TGFB1: variants seen among roughly 807,000 people sequenced by gnomAD.
TGFB1 encodes the protein transforming growth factor beta 1, also known as transforming growth factor beta-1 proprotein.
A neutral mutation model predicts 43.8 loss-of-function variants in TGFB1; 19 were observed. That is an observed-to-expected ratio of 0.43 (90% CI 0.30 to 0.64). The LOEUF is 0.64. Ranked by LOEUF, TGFB1 falls within the 30% of genes least tolerant of loss-of-function variation. The pLI, the probability that TGFB1 is intolerant of heterozygous loss-of-function variation, is 0.11. For missense variants in TGFB1, 445 were observed against 529.8 expected, an observed-to-expected ratio of 0.84 and a Z score of 1.57; for synonymous variants, 221 against 236.3, an observed-to-expected ratio of 0.94 and a Z score of 0.60.
intron 5 of TGFB1, among the ~76,000 whole-genome samples, chr19:41,340,087 A>G (rs1462761432): frequency 6.6e-6 from 1 of 152,080 alleles, no homozygotes; most frequent in African/African-American, 2.4e-5. Flanking sequence ...GCATTCCAGC[A>G]TCTTATGATT....
chr19:41,342,503 C>A (rs1213464529), intron 3 of TGFB1, among the ~76,000 whole-genome samples: 1 of 140,424 alleles, frequency 7.1e-6, no homozygotes, highest in African/African-American at 2.8e-5. Context: ...GCGCGTGCTA[C>A]CACGCATGGC....
intron 5 of TGFB1, among the ~76,000 whole-genome samples, chr19:41,341,333 G>A (rs1008257589): frequency 6.6e-6 from 1 of 151,816 alleles, no homozygotes; most frequent in African/African-American, 2.4e-5. Context: ...TGGGCGTGGT[G>A]GCACGTGCCT....
chr19:41,341,461 T>A (rs1254999149), intron 5 of TGFB1, among the ~76,000 whole-genome samples: 1 of 27,638 alleles, frequency 3.6e-5, no homozygotes, highest in African/African-American at 1.3e-4. Context: ...AGCGAGACTC[T>A]GTCTCAAAAA....
At chr19:41,332,048 C>A in intron 6 of TGFB1, 80 bp downstream of exon 6, 1 of 1,547,720 alleles carries the variant, frequency 6.5e-7, no homozygotes, top group African/African-American at 1.4e-5. Flanking sequence ...ACCTCTCTGA[C>A]TTTACTTCTC....
intron 2 of TGFB1, among the ~76,000 whole-genome samples, chr19:41,345,235 G>A (rs559901950): frequency 6.6e-6 from 1 of 152,200 alleles, no homozygotes; most frequent in African/African-American, 2.4e-5. Context: ...AGTGGCTCAC[G>A]CCTGTAATCC....
In TGFB1 at chr19:41,331,229, G is replaced by A. The variant is rs1568473910; in HGVS notation, c.1015-19C>T. On this transcript the variant is annotated intron_variant, in intron 6 of 6. Coordinates refer to ENST00000221930, the MANE Select transcript of TGFB1 (RefSeq NM_000660.7). The stretch of plus-strand genomic sequence containing the variant: ...CCAGGACCTGCGGGCGGCGGGCGGG[G>A]TCAGGGCTCAGGGCTCGTGGAGGGA... 1.3e-6 allele frequency: 2 copies of A among 1,503,896 alleles called. No homozygotes were observed. Among genetic ancestry groups the A allele is most frequent in the Admixed American group, 2.1e-5 (1 of 48,062 alleles). 93.2% of individuals were successfully genotyped at this position (1,503,896 alleles called of 1,614,324 possible).
At chr19:41,339,157 G>A (rs2038024220) in intron 5 of TGFB1, among the ~76,000 whole-genome samples, 1 of 147,062 alleles carries the variant, frequency 6.8e-6, no homozygotes, top group Non-Finnish European at 1.5e-5. Flanking sequence ...ACAAGGTCCT[G>A]CTCTGTCCTG....
Position 41,332,301 on chromosome 19 carries a change from G to A in TGFB1, c.861-20C>T, listed in dbSNP as rs8179181. ...GTGGAGCTGCAGGCAGGAGAGACGC[G>A]TCAGGGGCAGGGAGGGGCTACCACC... On this transcript the variant is annotated intron_variant, in intron 5 of 6. Coordinates refer to ENST00000221930, the MANE Select transcript of TGFB1 (RefSeq NM_000660.7). The A allele has an allele frequency of 0.21, 340,156 of 1,608,868 alleles. 40,105 individuals are homozygous for A. Among genetic ancestry groups the A allele is most frequent in the Non-Finnish European group, 0.25 (290,938 of 1,177,484 alleles).
At position 41,341,895 on chromosome 19, in the gene TGFB1, T is replaced by C. The variant is rs1568477631; in HGVS notation, c.848A>G (p.Asn283Ser). ...CTACAAGGCTCACCTGAAGCAATAG[T>C]TGGTGTCCAGGGCTCGGCGGTGCCG... Reference protein sequence around the residue: ...SSRHRRALDTNYCFSSTEKNC... With the variant: ...SSRHRRALDTSYCFSSTEKNC... The change falls in exon 5 of 7, where the codon AAC (asparagine) becomes AGC (serine). Residue 283 changes from asparagine to serine, a missense_variant. Transcript: ENST00000221930. 1.2e-6 allele frequency: 2 copies of C among 1,613,626 alleles called. No homozygotes were observed. Among genetic ancestry groups the C allele is most frequent in the Non-Finnish European group, 1.7e-6 (2 of 1,179,898 alleles).
At chr19:41,346,439 G>A (rs934165866) in intron 2 of TGFB1, among the ~76,000 whole-genome samples, 2 of 152,180 alleles carry the variant, frequency 1.3e-5, no homozygotes, top group South Asian at 2.1e-4. Flanking sequence ...CAGACTCCAA[G>A]AAGCCAAGCT....
At chr19:41,351,205 A>G (rs557738746) in intron 1 of TGFB1, 1 of 152,596 alleles carries the variant, frequency 6.6e-6, no homozygotes, top group East Asian at 1.9e-4. Flanking sequence ...AAGATAAGGT[A>G]AGGCTGAGAC....
intron 4 of TGFB1, 23 bp from the exon 5 acceptor site, chr19:41,342,053 G>A (rs943251438): frequency 1.1e-5 from 18 of 1,614,052 alleles, no homozygotes; most frequent in Non-Finnish European, 1.4e-5. Context: ...GGGAGTCAGG[G>A]GATAGGGGAC....
At chr19:41,348,553 G>T in intron 1 of TGFB1, 98 bp from the exon 2 acceptor site, 1 of 1,056,822 alleles carries the variant, frequency 9.5e-7, no homozygotes, top group Non-Finnish European at 1.5e-6. Flanking sequence ...ACAGCTCTGG[G>T]GTGGAGTCAG....
intron 5 of TGFB1, among the ~76,000 whole-genome samples, chr19:41,336,824 T>G (rs903957720): frequency 2.6e-5 from 4 of 152,162 alleles, no homozygotes; most frequent in African/African-American, 7.2e-5. Flanking sequence ...TTCCTTGATA[T>G]CTAGAGGAAT....
At chr19:41,350,398 A>T (rs952455751) in intron 1 of TGFB1, among the ~76,000 whole-genome samples, 8 of 142,762 alleles carry the variant, frequency 5.6e-5, no homozygotes, top group Non-Finnish European at 1.2e-4. Context: ...TCTGCCTCCC[A>T]GGTTCAAGCG....
chr19:41,336,601 G>T (rs904463051), intron 5 of TGFB1, among the ~76,000 whole-genome samples: 1 of 151,900 alleles, frequency 6.6e-6, no homozygotes, highest in African/African-American at 2.4e-5. Context: ...TATTGCCCAG[G>T]CTGGTCTCCA....
intron 5 of TGFB1, among the ~76,000 whole-genome samples, chr19:41,334,311 G>T (rs1409418667): frequency 4.6e-5 from 7 of 152,046 alleles, no homozygotes. Context: ...AAGAAGCAGA[G>T]GTTGCAGTGA....
At chr19:41,334,123 C>G (rs1377875350) in intron 5 of TGFB1, among the ~76,000 whole-genome samples, 1 of 152,168 alleles carries the variant, frequency 6.6e-6, no homozygotes. Flanking sequence ...GCCTGTAATC[C>G]CAGCACTTTG....
In TGFB1 at chr19:41,331,046, G is replaced by T. The variant is rs1297487256; in HGVS notation, c.*6C>A. 8 of 1,542,500 alleles carry T rather than the reference G, an allele frequency of 5.2e-6. No individual in the cohort carries two copies. Among genetic ancestry groups the T allele is most frequent in the Middle Eastern group, 2.3e-4 (1 of 4,348 alleles). On this transcript the variant is annotated 3_prime_UTR_variant, in exon 7 of 7. Coordinates refer to ENST00000221930, the MANE Select transcript of TGFB1 (RefSeq NM_000660.7). The stretch of plus-strand genomic sequence containing the variant: ...CTGCCGGGGCGGGGCGGGGCGGGGC[G>T]GGACCTCAGCTGCACTTGCAGGAGC...
Sources: allele counts gnomAD v4.1 joint callset (sites outside exome capture counted in the v4.1 genomes callset), GRCh38; gene constraint gnomAD v4.1.1; transcripts MANE v1.5; gene names NCBI Gene and HGNC (gene_info 2026-07-23, HGNC 2026-07-21).